Variants in LSAMP observed in about 807,000 individuals in gnomAD.
The protein encoded by LSAMP is limbic system associated membrane protein.
A neutral mutation model predicts 38.6 loss-of-function variants in LSAMP; 7 were observed. The ratio of observed to expected loss-of-function variants is 0.18; its 90% CI spans 0.10 to 0.34. The LOEUF (loss-of-function observed/expected upper bound fraction) is 0.34. Ranked by LOEUF, LSAMP falls within the 10% of genes least tolerant of loss-of-function variation. LSAMP has a pLI of 1.00. For missense variants in LSAMP, 313 were observed against 420.0 expected (o/e 0.75, Z 2.23); for synonymous variants, 154 against 166.8 (o/e 0.92, Z 0.59).
chr3:115,867,743 G>A (rs1029090825), intron 3 of LSAMP, among the ~76,000 whole-genome samples: 3 of 151,938 alleles, frequency 2.0e-5, no homozygotes, highest in African/African-American at 7.3e-5. Flanking sequence ...TTTTGTTGGT[G>A]GTCAGGGCAA....
intron 3 of LSAMP, among the ~76,000 whole-genome samples, chr3:115,957,988 G>A (rs1938504321): frequency 1.3e-5 from 2 of 152,002 alleles, no homozygotes; most frequent in South Asian, 4.2e-4. Flanking sequence ...AAATGAAAGG[G>A]GATATAAAAA....
At chr3:116,002,107 A>G (rs934514929) in intron 3 of LSAMP, among the ~76,000 whole-genome samples, 1 of 152,134 alleles carries the variant, frequency 6.6e-6, no homozygotes, top group African/African-American at 2.4e-5. Flanking sequence ...ATAGAATTCC[A>G]TAAGGTCATG....
chr3:116,379,599 T>A (rs536448272), intron 1 of LSAMP, among the ~76,000 whole-genome samples: 2 of 152,074 alleles, frequency 1.3e-5, no homozygotes, highest in South Asian at 4.1e-4. Context: ...CGGGATCAAG[T>A]GGGCAGTTGG....
At chr3:116,267,797 C>T (rs1189044651) in intron 1 of LSAMP, among the ~76,000 whole-genome samples, 2 of 152,070 alleles carry the variant, frequency 1.3e-5, no homozygotes, top group Admixed American at 6.6e-5. Flanking sequence ...CTATCTTCCT[C>T]TGTGGGAAGG....
chr3:116,260,740 C>T lies in LSAMP; in HGVS notation c.156-174184G>A, dbSNP rs1319351760. ...CCTTTTCCTTGGCCTGGGTCCTCAA[C>T]CTACGTGAGGCTTAGAGGGGAGAAA... On this transcript the variant is annotated intron_variant, in intron 1 of 6. Transcript: ENST00000490035. Among the ~76,000 whole-genome samples the T allele has an allele frequency of 2.0e-5, 3 of 152,132 alleles. No individual in the cohort carries two copies. In the East Asian group the frequency reaches 5.8e-4, roughly 29 times the overall value.
At chr3:115,996,700 A>G (rs998834331) in intron 3 of LSAMP, among the ~76,000 whole-genome samples, 1 of 152,136 alleles carries the variant, frequency 6.6e-6, no homozygotes, top group African/African-American at 2.4e-5. Context: ...ATTTGAGGTT[A>G]AATTCATGTA....
rs563015855 is a variant in LSAMP, at chr3:116,041,807, A to C, written c.389-22167T>G. On this transcript the variant is annotated intron_variant, in intron 2 of 6. Coordinates refer to ENST00000490035, the MANE Select transcript of LSAMP (RefSeq NM_002338.5). ...TAAATGAAAGCATGCAAAAAAAAACAAAACAAAACAAAAAAAAAACACCTT... is the reference window on the plus strand; with the variant it reads ...TAAATGAAAGCATGCAAAAAAAAACCAAACAAAACAAAAAAAAAACACCTT... Among the ~76,000 whole-genome samples, 75 of 142,132 alleles carry C rather than the reference A, an allele frequency of 5.3e-4. 1 individual carries two copies. Among genetic ancestry groups the C allele is most frequent in the Middle Eastern group, 7.1e-3 (2 of 280 alleles). The allele number at this position is 142,132 out of a possible 152,430, so 93.2% of individuals were successfully genotyped here.
chr3:116,318,135 CAAA>C (rs373392802), intron 1 of LSAMP, among the ~76,000 whole-genome samples: 7 of 101,724 alleles, frequency 6.9e-5, no homozygotes, highest in African/African-American at 1.3e-4. Flanking sequence ...GACTCCATCT[CAAA>C]AAAAAAAAAA....
intron 1 of LSAMP, among the ~76,000 whole-genome samples, chr3:116,369,309 G>A (rs999218084): frequency 1.3e-5 from 2 of 152,148 alleles, no homozygotes; most frequent in African/African-American, 4.8e-5. Context: ...TACACATTGA[G>A]CAGTCAAGAG....
chr3:116,417,197 G>A (rs987515949), intron 1 of LSAMP, among the ~76,000 whole-genome samples: 1 of 152,154 alleles, frequency 6.6e-6, no homozygotes, highest in Non-Finnish European at 1.5e-5. Context: ...TCTTTATCCT[G>A]AGCACCATAA....
intron 1 of LSAMP, among the ~76,000 whole-genome samples, chr3:116,344,797 A>T (rs563252461): frequency 6.6e-6 from 1 of 152,302 alleles, no homozygotes; most frequent in Non-Finnish European, 1.5e-5. Context: ...TTACTTAGTC[A>T]GTCTAGCACT....
rs1559731019 is a variant in LSAMP, at chr3:116,071,060, TA to T, written c.388+15263del. Reference sequence around the variant, plus strand: ...CATCTCAAAATAAATAAATAATAAATAAATAAATAAATAAATAAATAAATAA... The same window carrying T: ...CATCTCAAAATAAATAAATAATAAATAATAAATAAATAAATAAATAAATAA... On this transcript the variant is annotated intron_variant, in intron 2 of 6. Coordinates refer to ENST00000490035, the MANE Select transcript of LSAMP (RefSeq NM_002338.5). Among the ~76,000 whole-genome samples, 103 of 144,392 alleles carry T rather than the reference TA, an allele frequency of 7.1e-4. 1 individual carries two copies. Among genetic ancestry groups the T allele is most frequent in the Admixed American group, 7.0e-4 (10 of 14,354 alleles). The allele number at this position is 144,392 out of a possible 152,430, so 94.7% of individuals were successfully genotyped here.
intron 1 of LSAMP, among the ~76,000 whole-genome samples, chr3:116,327,450 T>A (rs551824690): frequency 2.0e-5 from 3 of 152,288 alleles, no homozygotes; most frequent in Non-Finnish European, 4.4e-5. Flanking sequence ...TTCTTCAGGA[T>A]TTTATCCTCT....
At chr3:116,272,571 A>T (rs895284336) in intron 1 of LSAMP, among the ~76,000 whole-genome samples, 5 of 152,132 alleles carry the variant, frequency 3.3e-5, no homozygotes, top group African/African-American at 1.2e-4. Flanking sequence ...ACTATTTTTG[A>T]AGCAAAGGCC....
chr3:116,417,113 T>C (rs866477887), intron 1 of LSAMP, among the ~76,000 whole-genome samples: 1 of 152,234 alleles, frequency 6.6e-6, no homozygotes, highest in Non-Finnish European at 1.5e-5. Flanking sequence ...TCAAAAAATG[T>C]GCATACCTCA....
intron 1 of LSAMP, among the ~76,000 whole-genome samples, chr3:116,112,813 C>T (rs1708646916): frequency 6.6e-6 from 1 of 152,204 alleles, no homozygotes; most frequent in African/African-American, 2.4e-5. Context: ...GGCTACCCTA[C>T]CCAACAATAC....
At chr3:116,127,332 T>A (rs1709030095) in intron 1 of LSAMP, among the ~76,000 whole-genome samples, 1 of 152,202 alleles carries the variant, frequency 6.6e-6, no homozygotes, top group East Asian at 1.9e-4. Flanking sequence ...CATGTCTTGG[T>A]CAAAATATAT....
intron 1 of LSAMP, among the ~76,000 whole-genome samples, chr3:116,114,032 C>T (rs961176811): frequency 2.0e-5 from 3 of 152,120 alleles, no homozygotes; most frequent in Non-Finnish European, 2.9e-5. Context: ...TATTTAAGCC[C>T]TGTGCTTCCA....
intron 1 of LSAMP, among the ~76,000 whole-genome samples, chr3:116,221,150 CAAAAAA>C (rs71141862): frequency 3.8e-5 from 2 of 53,184 alleles, no homozygotes; most frequent in Middle Eastern, 0.024. Flanking sequence ...GACTCTGTCT[CAAAAAA>C]AAAAAAAAAA....
Sources: allele counts gnomAD v4.1 joint callset (sites outside exome capture counted in the v4.1 genomes callset), GRCh38; gene constraint gnomAD v4.1.1; transcripts MANE v1.5; gene names NCBI Gene and HGNC (gene_info 2026-07-23, HGNC 2026-07-21).